TTC7A: variants seen among roughly 807,000 people sequenced by gnomAD.
TTC7A encodes the protein tetratricopeptide repeat protein 7A.
In TTC7A, 110 loss-of-function variants were observed where a neutral mutation model predicts 103.7. The ratio of observed to expected loss-of-function variants is 1.06; its 90% CI spans 0.91 to 1.24. TTC7A has a LOEUF of 1.24. Ranked by LOEUF, TTC7A falls within the 50% of genes most tolerant of loss-of-function variation. TTC7A has a pLI of 0.00. For synonymous variants in TTC7A, 521 were observed against 467.9 expected, an observed-to-expected ratio of 1.11 and a Z score of -1.47; for missense variants, 1,340 against 1,116.3, an observed-to-expected ratio of 1.20 and a Z score of -2.86.
At chr2:47,013,345 A>C (rs953249579) in intron 11 of TTC7A, among the ~76,000 whole-genome samples, 3 of 152,186 alleles carry the variant, frequency 2.0e-5, no homozygotes, top group African/African-American at 7.2e-5. Flanking sequence ...CTTCAGATAC[A>C]GGTGGCCCAT....
In TTC7A at chr2:47,011,371, T is replaced by C; in HGVS notation, c.1328T>C (p.Leu443Ser). ...TCCCTGCTGCGGGAGTGTGTGAAGTTGCGGCCCTCGGACCCCACCGTGCCC... is the reference window on the plus strand; with the variant it reads ...TCCCTGCTGCGGGAGTGTGTGAAGTCGCGGCCCTCGGACCCCACCGTGCCC... Reference protein sequence around the residue: ...AVSLLRECVKLRPSDPTVPLM... With the variant: ...AVSLLRECVKSRPSDPTVPLM... Residue 443 changes from leucine to serine, a missense_variant, in exon 11 of 20, where the codon TTG becomes TCG. By Grantham distance (145) the Leu-to-Ser change is moderately radical. Transcript: ENST00000319190. 6.2e-7 allele frequency: 1 copy of C among 1,612,988 alleles called. No individual in the cohort carries two copies. Among genetic ancestry groups the C allele is most frequent in the Non-Finnish European group, 8.5e-7 (1 of 1,179,940 alleles).
rs571932012 is a variant in TTC7A at position 47,018,670 on chromosome 2, T to C, written c.1393-3192T>C. 4.0e-5 allele frequency among the ~76,000 whole-genome samples: 6 copies of C among 151,898 alleles called. No individual in the cohort carries two copies. In the South Asian group the frequency reaches 1.0e-3, roughly 26 times the overall value. ...ATATCATATATGAAATATACAGTTA[T>C]ATATCTACATATGTAAATATATAGA... On this transcript the variant is annotated intron_variant, in intron 11 of 19. Transcript: ENST00000319190.
chr2:47,026,639 A>G (rs1679947024), intron 14 of TTC7A, among the ~76,000 whole-genome samples: 1 of 151,778 alleles, frequency 6.6e-6, no homozygotes, highest in South Asian at 2.1e-4. Context: ...GCCTGAGAGC[A>G]CGTGCCTTCA....
intron 2 of TTC7A, among the ~76,000 whole-genome samples, chr2:46,933,987 G>A (rs1033915796): frequency 2.0e-5 from 3 of 152,088 alleles, no homozygotes; most frequent in Admixed American, 6.6e-5. Context: ...TGATGGCTGG[G>A]AGCACTTGGT....
chr2:47,054,566 C>G (rs889016413), intron 18 of TTC7A, among the ~76,000 whole-genome samples: 1 of 152,008 alleles, frequency 6.6e-6, no homozygotes, highest in Admixed American at 6.5e-5. Context: ...GGTGCGGTGG[C>G]TCATGCCCGT....
At chr2:46,996,880 C>T (rs1272783717) in intron 8 of TTC7A, among the ~76,000 whole-genome samples, 1 of 152,148 alleles carries the variant, frequency 6.6e-6, no homozygotes, top group African/African-American at 2.4e-5. Flanking sequence ...TATTCCCATC[C>T]CCTCTCCGCC....
intron 19 of TTC7A, among the ~76,000 whole-genome samples, chr2:47,061,176 G>A (rs552810648): frequency 6.6e-6 from 1 of 152,272 alleles, no homozygotes; most frequent in African/African-American, 2.4e-5. Context: ...GTAGACACAG[G>A]CCATTTCCCT....
intron 2 of TTC7A, among the ~76,000 whole-genome samples, chr2:46,918,895 T>C (rs998509443): frequency 6.6e-6 from 1 of 152,234 alleles, no homozygotes; most frequent in Non-Finnish European, 1.5e-5. Context: ...AGGATCTCTT[T>C]ACCTGCAACC....
intron 11 of TTC7A, among the ~76,000 whole-genome samples, 172 bp downstream of exon 11, chr2:47,011,607 C>G (rs928471749): frequency 6.6e-6 from 1 of 152,216 alleles, no homozygotes; most frequent in African/African-American, 2.4e-5. Flanking sequence ...CTGCCAGCCT[C>G]CAATGGCAGG....
chr2:47,017,460 C>T (rs536810438), intron 11 of TTC7A, among the ~76,000 whole-genome samples: 2 of 151,938 alleles, frequency 1.3e-5, no homozygotes, highest in East Asian at 3.9e-4. Context: ...TCGCTTGAGC[C>T]CAGGAGGTCA....
intron 18 of TTC7A, among the ~76,000 whole-genome samples, chr2:47,053,824 G>A (rs1189912067): frequency 2.0e-5 from 3 of 152,110 alleles, no homozygotes; most frequent in Admixed American, 6.5e-5. Flanking sequence ...TCTGCCCGCC[G>A]TGGCCCACCA....
At chr2:47,036,727 A>G (rs1218295822) in intron 15 of TTC7A, among the ~76,000 whole-genome samples, 1 of 152,204 alleles carries the variant, frequency 6.6e-6, no homozygotes, top group African/African-American at 2.4e-5. Context: ...GCGTGGTGGC[A>G]CACACCTGTA....
chr2:47,053,543 T>TTTGTTTGG (rs66907808), intron 18 of TTC7A, among the ~76,000 whole-genome samples: 5,053 of 140,138 alleles, frequency 0.036, 159 homozygotes, highest in African/African-American at 0.082. Context: ...TGTTTGTTTG[T>TTTGTTTGG]TTGGTTGGTT....
intron 10 of TTC7A, among the ~76,000 whole-genome samples, chr2:47,010,769 G>A (rs1264817471): frequency 1.2e-4 from 18 of 152,104 alleles, no homozygotes; most frequent in African/African-American, 3.4e-4. Flanking sequence ...GCACAATCTC[G>A]GCTCACTGCA....
Position 47,021,895 on chromosome 2 carries a change from A to G in TTC7A, c.1426A>G (p.Ile476Val), listed in dbSNP as rs966188725. ...EEAEHFAMMVISLGEEAGEFL... is the reference protein window; with the variant it reads ...EEAEHFAMMVVSLGEEAGEFL... ...AGCAGAGCACTTTGCCATGATGGTG[A>G]TCAGCCTCGGAGAGGAAGCCGGGGA... Residue 476 changes from isoleucine (I) to valine (V), a missense_variant, in exon 12 of 20, where the codon ATC becomes GTC. Ile to Val is a conservative substitution (Grantham distance 29). Transcript: ENST00000319190. The G allele has an allele frequency of 3.7e-6, 6 of 1,614,010 alleles. No individual in the cohort carries two copies. In the Admixed American group the frequency reaches 1.0e-4, roughly 27 times the overall value.
At chr2:47,034,657 G>C (rs1365641496) in intron 15 of TTC7A, among the ~76,000 whole-genome samples, 2 of 152,152 alleles carry the variant, frequency 1.3e-5, no homozygotes, top group Admixed American at 6.5e-5. Flanking sequence ...TGCCAGGCTG[G>C]TTTTGAAAGC....
intron 1 of TTC7A, among the ~76,000 whole-genome samples, chr2:46,945,778 T>C (rs564426908): frequency 2.6e-5 from 4 of 152,344 alleles, no homozygotes; most frequent in Non-Finnish European, 4.4e-5. Context: ...TTTGAACATT[T>C]CTTCCGTTTC....
intron 9 of TTC7A, 24 bp from the exon 10 acceptor site, chr2:47,006,617 A>G (rs1677426608): frequency 6.2e-7 from 1 of 1,606,786 alleles, no homozygotes; most frequent in Non-Finnish European, 8.5e-7. Flanking sequence ...TGGTGGGTAA[A>G]TGCTGACTAT....
At chr2:47,017,361 AAAAAAT>A (rs1191362429) in intron 11 of TTC7A, among the ~76,000 whole-genome samples, 5 of 151,622 alleles carry the variant, frequency 3.3e-5, no homozygotes, top group South Asian at 2.1e-4. Flanking sequence ...TCATCTCTAC[AAAAAAT>A]AAAAATAAAA....
Sources: gnomAD v4.1 joint callset for allele counts (sites outside exome capture counted in the v4.1 genomes callset) on GRCh38, gnomAD v4.1.1 for gene constraint, MANE v1.5 for transcripts, NCBI Gene and HGNC (gene_info 2026-07-23, HGNC 2026-07-21) for gene names.